Variants in SPOCK1 observed in about 807,000 individuals in gnomAD.
The protein encoded by SPOCK1 is testican-1.
In SPOCK1, 23 loss-of-function variants were observed where a neutral mutation model predicts 55.3. The ratio of observed to expected loss-of-function variants is 0.42; its 90% CI spans 0.30 to 0.59. The LOEUF is 0.59. Ranked by LOEUF, SPOCK1 falls within the 20% of genes least tolerant of loss-of-function variation. The pLI is 0.22. For missense variants in SPOCK1, 499 were observed against 552.5 expected (o/e 0.90, Z 0.97); for synonymous variants, 226 against 221.0 (o/e 1.02, Z -0.20).
intron 3 of SPOCK1, among the ~76,000 whole-genome samples, chr5:137,184,325 C>A (rs1170742720): frequency 3.3e-5 from 5 of 152,128 alleles, no homozygotes; most frequent in Non-Finnish European, 7.4e-5. Flanking sequence ...CATCTCAGCT[C>A]CTCTCATGGA....
chr5:137,186,784 G>A (rs1561465503), intron 3 of SPOCK1, among the ~76,000 whole-genome samples: 1 of 152,126 alleles, frequency 6.6e-6, no homozygotes, highest in Non-Finnish European at 1.5e-5. Flanking sequence ...CCAGTGTATA[G>A]CTACTGTCTT....
chr5:137,055,770 C>T (rs992732643), intron 6 of SPOCK1, among the ~76,000 whole-genome samples: 1 of 152,160 alleles, frequency 6.6e-6, no homozygotes, highest in African/African-American at 2.4e-5. Context: ...TCTCTCTAGT[C>T]AGGGAGGTGG....
intron 2 of SPOCK1, among the ~76,000 whole-genome samples, chr5:137,401,608 G>A (rs986372208): frequency 4.6e-5 from 7 of 151,302 alleles, no homozygotes; most frequent in East Asian, 1.9e-4. Context: ...CACTGGGCAC[G>A]GTGGCACACA....
chr5:137,388,489 T>C (rs1020669905), intron 2 of SPOCK1, among the ~76,000 whole-genome samples: 5 of 152,220 alleles, frequency 3.3e-5, no homozygotes, highest in Non-Finnish European at 7.3e-5. Flanking sequence ...TTTCCTGATA[T>C]GCAGCCAGAT....
At chr5:137,057,802 G>T (rs916952320) in intron 6 of SPOCK1, among the ~76,000 whole-genome samples, 1 of 152,168 alleles carries the variant, frequency 6.6e-6, no homozygotes, top group East Asian at 1.9e-4. Flanking sequence ...TTGTAATGCT[G>T]TCTTTTCTTT....
At chr5:137,110,994 A>G (rs1753459323) in intron 5 of SPOCK1, among the ~76,000 whole-genome samples, 1 of 152,120 alleles carries the variant, frequency 6.6e-6, no homozygotes, top group South Asian at 2.1e-4. Flanking sequence ...TTGTTAGAAA[A>G]ATGTGAACAT....
chr5:137,270,848 C>T (rs1401905537), intron 2 of SPOCK1, among the ~76,000 whole-genome samples: 1 of 152,012 alleles, frequency 6.6e-6, no homozygotes, highest in Non-Finnish European at 1.5e-5. Flanking sequence ...ACTAACAATA[C>T]AAAAGTAGCT....
intron 2 of SPOCK1, among the ~76,000 whole-genome samples, chr5:137,359,122 C>T (rs1750886503): frequency 6.6e-6 from 1 of 152,176 alleles, no homozygotes; most frequent in Non-Finnish European, 1.5e-5. Context: ...GCATCATGTC[C>T]ATATGAAGTA....
chr5:137,109,308 C>T (rs1348748051), intron 5 of SPOCK1, among the ~76,000 whole-genome samples: 3 of 152,232 alleles, frequency 2.0e-5, no homozygotes, highest in Non-Finnish European at 4.4e-5. Context: ...GGGTGTTCAG[C>T]TAAGCAGCTT....
intron 4 of SPOCK1, among the ~76,000 whole-genome samples, chr5:137,134,034 C>T (rs1226145241): frequency 6.6e-6 from 1 of 152,114 alleles, no homozygotes; most frequent in Non-Finnish European, 1.5e-5. Context: ...CCCCATGACT[C>T]CACAGCAGAG....
At chr5:137,132,020 A>ATATAT (rs1491415264) in intron 4 of SPOCK1, among the ~76,000 whole-genome samples, 11 of 84,272 alleles carry the variant, frequency 1.3e-4, no homozygotes, top group East Asian at 3.4e-4. Flanking sequence ...ATATATATAT[A>ATATAT]AAAAATTAGC....
At chr5:137,387,556 T>C (rs1751621583) in intron 2 of SPOCK1, among the ~76,000 whole-genome samples, 1 of 152,246 alleles carries the variant, frequency 6.6e-6, no homozygotes, top group South Asian at 2.1e-4. Context: ...CTTACAATAC[T>C]GTATGAGCAC....
intron 3 of SPOCK1, among the ~76,000 whole-genome samples, chr5:137,152,962 C>G (rs1754346128): frequency 6.6e-6 from 1 of 152,232 alleles, no homozygotes; most frequent in African/African-American, 2.4e-5. Context: ...AGTAGCCAAT[C>G]TGGGATGTAA....
At chr5:137,404,383 T>C (rs1415312018) in intron 2 of SPOCK1, among the ~76,000 whole-genome samples, 1 of 150,850 alleles carries the variant, frequency 6.6e-6, no homozygotes, top group Non-Finnish European at 1.5e-5. Context: ...TTCTATTTTT[T>C]AAATGTTAAC....
chr5:136,992,231 T>C (rs1424153322), intron 7 of SPOCK1, among the ~76,000 whole-genome samples: 14 of 152,204 alleles, frequency 9.2e-5, no homozygotes, highest in Admixed American at 8.5e-4. Context: ...CGCTGTTTCA[T>C]ATATGACACC....
chr5:137,220,923 C>CT (rs1473494283), intron 3 of SPOCK1, among the ~76,000 whole-genome samples: 1 of 152,124 alleles, frequency 6.6e-6, no homozygotes, highest in Admixed American at 6.6e-5. Context: ...AGATGTGTGA[C>CT]TTTATATCCA....
chr5:137,302,629 A>G (rs17782938), intron 2 of SPOCK1, among the ~76,000 whole-genome samples: 17,528 of 151,310 alleles, frequency 0.12, 1,337 homozygotes, highest in East Asian at 0.25. Context: ...TAAATAAATC[A>G]GTTTTAGATG....
chr5:137,254,005 T>A (rs187909605), intron 3 of SPOCK1, among the ~76,000 whole-genome samples: 268 of 152,346 alleles, frequency 1.8e-3, no homozygotes, highest in African/African-American at 6.2e-3. Flanking sequence ...GAGAACAGAA[T>A]GATGAATGCT....
intron 4 of SPOCK1, among the ~76,000 whole-genome samples, chr5:137,113,013 C>G (rs1486305287): frequency 6.6e-6 from 1 of 152,116 alleles, no homozygotes. Context: ...GCGCTTTAGA[C>G]AAAAGCACAC....
Sources: gnomAD v4.1 joint callset for allele counts (sites outside exome capture counted in the v4.1 genomes callset) on GRCh38, gnomAD v4.1.1 for gene constraint, MANE v1.5 for transcripts, NCBI Gene and HGNC (gene_info 2026-07-23, HGNC 2026-07-21) for gene names.